The following CAMTA1 variants were observed in gnomAD, a reference collection of about 807,000 sequenced individuals.
CAMTA1 encodes calmodulin binding transcription activator 1.
A neutral mutation model predicts 170.9 loss-of-function variants in CAMTA1; 27 were observed. The ratio of observed to expected loss-of-function variants is 0.16; its 90% CI spans 0.12 to 0.22. The LOEUF (loss-of-function observed/expected upper bound fraction) is 0.22. CAMTA1 is among the 10% of genes least tolerant of loss of function. CAMTA1 has a pLI of 1.00. For missense variants in CAMTA1, 1,619 were observed against 2,217.2 expected (o/e 0.73, Z 5.42); for synonymous variants, 833 against 891.5 (o/e 0.93, Z 1.17).
At chr1:7,646,233 G>T (rs1350884366) in intron 7 of CAMTA1, among the ~76,000 whole-genome samples, 1 of 149,766 alleles carries the variant, frequency 6.7e-6, no homozygotes, top group African/African-American at 2.5e-5. Flanking sequence ...ATGGTGAGTT[G>T]GGTGGAGGCC....
At position 7,222,886 on chromosome 1, in the gene CAMTA1, C is replaced by T. The variant is rs944131960; in HGVS notation, c.303-26605C>T. On this transcript the variant is annotated intron_variant, in intron 4 of 22. Coordinates refer to ENST00000303635, the MANE Select transcript of CAMTA1 (RefSeq NM_015215.4). ...AGCTTCCTCTTCTACGTGGGTATAT[C>T]TGCCTCAGGTGCAGCTGTGAGGATC... is the stretch of plus-strand genomic sequence containing the variant. 3.3e-5 allele frequency among the ~76,000 whole-genome samples: 5 copies of T among 152,382 alleles called. No homozygotes were observed. The East Asian group carries it at 9.6e-4, about 29-fold the overall frequency.
intron 5 of CAMTA1, among the ~76,000 whole-genome samples, chr1:7,273,466 A>T (rs968727425): frequency 3.3e-5 from 5 of 152,262 alleles, no homozygotes; most frequent in Non-Finnish European, 5.9e-5. Flanking sequence ...GAAAGAGGCC[A>T]GTCACAAAAG....
Position 7,067,104 on chromosome 1 carries a change from C to T in CAMTA1, c.235-24200C>T, listed in dbSNP as rs940722616. ...TGCTTGGAATGCCCCAGTCCCCACA[C>T]GGGGCACCCCCTTACCCATAGCACT... On this transcript the variant is annotated intron_variant, in intron 3 of 22. Transcript: ENST00000303635. The surrounding 1 kb of genome is among the most constrained non-coding windows in gnomAD (Gnocchi z 4.3). 2.0e-5 allele frequency among the ~76,000 whole-genome samples: 3 copies of T among 152,242 alleles called. No individual in the cohort carries two copies. In the East Asian group the frequency reaches 5.8e-4, roughly 29 times the overall value.
At position 7,077,702 on chromosome 1, in the gene CAMTA1, G is replaced by A. The variant is rs181103288; in HGVS notation, c.235-13602G>A. On this transcript the variant is annotated intron_variant, in intron 3 of 22. Coordinates refer to ENST00000303635, the MANE Select transcript of CAMTA1 (RefSeq NM_015215.4). ...GGGTTTGTGTTGGGGGAAGGGTTAG[G>A]ATGAGCATCGGTGTTTTTCTGCAAG... is the stretch of plus-strand genomic sequence containing the variant. Among the ~76,000 whole-genome samples the A allele has an allele frequency of 1.2e-3, 187 of 152,106 alleles. 1 individual carries two copies. Among genetic ancestry groups the A allele is most frequent in the African/African-American group, 4.4e-3 (184 of 41,496 alleles).
At chr1:7,200,686 G>A (rs570725035) in intron 4 of CAMTA1, among the ~76,000 whole-genome samples, 94 of 152,288 alleles carry the variant, frequency 6.2e-4, no homozygotes, top group African/African-American at 1.9e-3. Context: ...GCCATGTTAT[G>A]TCCTTCTCAG....
At chr1:7,327,384 G>C (rs966145974) in intron 5 of CAMTA1, among the ~76,000 whole-genome samples, 1 of 141,382 alleles carries the variant, frequency 7.1e-6, no homozygotes, top group African/African-American at 2.7e-5. Flanking sequence ...TCCAGCCTGG[G>C]CAACAGAGTG....
chr1:6,819,433 A>G (rs1395147730), intron 1 of CAMTA1, among the ~76,000 whole-genome samples: 2 of 152,132 alleles, frequency 1.3e-5, no homozygotes, highest in Non-Finnish European at 2.9e-5. Context: ...TTTACTTGCC[A>G]TGCCATAATA....
intron 4 of CAMTA1, among the ~76,000 whole-genome samples, chr1:7,094,578 C>T (rs1264485985): frequency 6.6e-6 from 1 of 152,138 alleles, no homozygotes; most frequent in Non-Finnish European, 1.5e-5. Flanking sequence ...GGGCCCCCTG[C>T]TTGTCTCTGT....
In CAMTA1 at chr1:7,293,501, C is replaced by G. The variant is rs933010220; in HGVS notation, c.438+43875C>G. On this transcript the variant is annotated intron_variant, in intron 5 of 22. Transcript: ENST00000303635. The surrounding 1 kb of genome is among the most constrained non-coding windows in gnomAD (Gnocchi z 4.1). Reference sequence around the variant, plus strand: ...CAGAGGCCCGGATGGCTCCATGATCCATGTGCATGTGTTCCCGGTTTTGTT... The same window carrying G: ...CAGAGGCCCGGATGGCTCCATGATCGATGTGCATGTGTTCCCGGTTTTGTT... Among the ~76,000 whole-genome samples, 9 of 152,228 alleles carry G rather than the reference C, an allele frequency of 5.9e-5. No homozygotes were observed. Among genetic ancestry groups the G allele is most frequent in the Non-Finnish European group, 5.9e-5 (4 of 68,044 alleles).
intron 6 of CAMTA1, among the ~76,000 whole-genome samples, chr1:7,510,294 G>A (rs535715645): frequency 6.9e-6 from 1 of 144,806 alleles, no homozygotes; most frequent in Admixed American, 6.9e-5. Flanking sequence ...GGGAATTCTG[G>A]GTGCCCCACT....
intron 5 of CAMTA1, among the ~76,000 whole-genome samples, chr1:7,436,499 G>A (rs536376951): frequency 4.6e-5 from 7 of 152,280 alleles, no homozygotes; most frequent in South Asian, 2.1e-4. Flanking sequence ...TTGTGGGCCC[G>A]GCAGAGCCTC....
At chr1:7,070,002 G>A (rs1638400765) in intron 3 of CAMTA1, among the ~76,000 whole-genome samples, 1 of 152,326 alleles carries the variant, frequency 6.6e-6, no homozygotes, top group South Asian at 2.1e-4. Flanking sequence ...TCTGGTTCAC[G>A]TCCTCTCGCC....
At chr1:7,157,668 T>C (rs938812157) in intron 4 of CAMTA1, among the ~76,000 whole-genome samples, 3 of 152,222 alleles carry the variant, frequency 2.0e-5, no homozygotes, top group African/African-American at 7.2e-5. Context: ...ATCTATTGCA[T>C]GACCCAGCAA....
chr1:6,893,049 A>G (rs1387276958), intron 3 of CAMTA1, among the ~76,000 whole-genome samples: 1 of 151,700 alleles, frequency 6.6e-6, no homozygotes, highest in Non-Finnish European at 1.5e-5. Context: ...TGGGAGGCCG[A>G]GGCGGGCGGA....
At chr1:7,578,065 C>T (rs115216614) in intron 6 of CAMTA1, among the ~76,000 whole-genome samples, 46 of 152,322 alleles carry the variant, frequency 3.0e-4, no homozygotes, top group African/African-American at 1.1e-3. Context: ...TTGTGAGTCC[C>T]CATGATGGGA....
intron 3 of CAMTA1, among the ~76,000 whole-genome samples, chr1:7,047,076 T>G (rs1036596329): frequency 6.6e-6 from 1 of 152,180 alleles, no homozygotes; most frequent in Admixed American, 6.5e-5. Context: ...CTATGTGCCC[T>G]TCTCCTGACT....
At position 7,547,653 on chromosome 1, in the gene CAMTA1, C is replaced by T. The variant is rs1266934164; in HGVS notation, c.510+79752C>T. Among the ~76,000 whole-genome samples, 2 of 152,106 alleles carry T rather than the reference C, an allele frequency of 1.3e-5. No homozygotes were observed. Among genetic ancestry groups the T allele is most frequent in the East Asian group, 3.9e-4 (2 of 5,180 alleles). On this transcript the variant is annotated intron_variant, in intron 6 of 22. Coordinates refer to ENST00000303635, the MANE Select transcript of CAMTA1 (RefSeq NM_015215.4). This position sits in a 1 kb window ranked among gnomAD's most constrained non-coding sequence, Gnocchi z 5.7. ...GCCCAGGACAGCTTTGAATGTGGCC[C>T]AACACAAATTCATAAACTTTCCTAA...
At position 6,796,452 on chromosome 1, in the gene CAMTA1, T is replaced by G. The variant is rs776650793; in HGVS notation, c.45+10877T>G. Among the ~76,000 whole-genome samples the G allele has an allele frequency of 2.2e-4, 34 of 152,214 alleles. 1 individual carries two copies. Among genetic ancestry groups the G allele is most frequent in the Non-Finnish European group, 1.5e-5 (1 of 68,048 alleles). The stretch of plus-strand genomic sequence containing the variant: ...TGAGCTGGCCTAAAGTAGCATTTCT[T>G]GTATAATTTGACTAAGTTGGAAGAT... On this transcript the variant is annotated intron_variant, in intron 1 of 22. Transcript: ENST00000303635.
At chr1:7,480,253 ATGT>A (rs1557783127) in intron 6 of CAMTA1, among the ~76,000 whole-genome samples, 40 of 69,242 alleles carry the variant, frequency 5.8e-4, no homozygotes, top group African/African-American at 3.2e-3. Flanking sequence ...GTGTGTGTGC[ATGT>A]GTGTATGTGT....
Sources: gnomAD v4.1 joint callset for allele counts (sites outside exome capture counted in the v4.1 genomes callset) on GRCh38, gnomAD v4.1.1 for gene constraint, Gnocchi (gnomAD v3.1) non-coding constraint, MANE v1.5 for transcripts, NCBI Gene and HGNC (gene_info 2026-07-23, HGNC 2026-07-21) for gene names.